The following F13A1 variants were observed in gnomAD, a reference collection of about 807,000 sequenced individuals.
F13A1 encodes coagulation factor XIII A chain.
F13A1 carries 47 observed loss-of-function variants against 80.1 expected under a neutral mutation model. The observed-to-expected ratio is 0.59, with a 90% CI of 0.46 to 0.75. The LOEUF is 0.75. Among genes scored for constraint, F13A1 ranks in the 30% least tolerant of loss-of-function variants. F13A1 has a pLI of 0.00. For missense variants in F13A1, 817 were observed against 930.4 expected (o/e 0.88, Z 1.59); for synonymous variants, 349 against 344.9 (o/e 1.01, Z -0.13).
chr6:6,163,501 C>T (rs1156576525), intron 13 of F13A1, among the ~76,000 whole-genome samples: 1 of 152,144 alleles, frequency 6.6e-6, no homozygotes, highest in African/African-American at 2.4e-5. Flanking sequence ...CACCCTGCAC[C>T]CTCCAATAGG....
intron 5 of F13A1, among the ~76,000 whole-genome samples, chr6:6,249,638 T>C (rs141155637): frequency 5.0e-4 from 76 of 152,312 alleles, no homozygotes; most frequent in Middle Eastern, 3.4e-3. Context: ...CCCACCTTGA[T>C]GACTTTTCCC....
intron 8 of F13A1, among the ~76,000 whole-genome samples, chr6:6,213,685 C>T (rs1289525479): frequency 6.6e-6 from 1 of 151,120 alleles, no homozygotes; most frequent in Admixed American, 6.6e-5. Context: ...ACAATATTAA[C>T]TTTAAAGGTA....
At position 6,199,654 on chromosome 6, in the gene F13A1, T is replaced by C. The variant is rs557387239; in HGVS notation, c.1113-2328A>G. Among the ~76,000 whole-genome samples, 14 of 152,320 alleles carry C rather than the reference T, an allele frequency of 9.2e-5. No individual in the cohort carries two copies. The South Asian group carries it at 2.9e-3, about 32-fold the overall frequency. On this transcript the variant is annotated intron_variant, in intron 8 of 14. Coordinates refer to ENST00000264870, the MANE Select transcript of F13A1 (RefSeq NM_000129.4). ...CACTGACCTATGATATAGGTAAGGA[T>C]AAGATTGTGAAATCCTTTGATATCA... is the stretch of plus-strand genomic sequence containing the variant.
intron 4 of F13A1, among the ~76,000 whole-genome samples, chr6:6,262,552 C>T (rs1186269213): frequency 6.6e-6 from 1 of 152,162 alleles, no homozygotes; most frequent in Admixed American, 6.5e-5. Flanking sequence ...CTAGTTTGCC[C>T]TGTGTTCTGG....
chr6:6,161,551 T>TGAGA (rs111622535), intron 13 of F13A1, among the ~76,000 whole-genome samples: 31 of 146,378 alleles, frequency 2.1e-4, no homozygotes, highest in East Asian at 6.2e-4. Context: ...TGTGTGTGTG[T>TGAGA]GAGAGAGAGA....
intron 13 of F13A1, among the ~76,000 whole-genome samples, chr6:6,156,877 T>A (rs1036956968): frequency 6.6e-6 from 1 of 152,198 alleles, no homozygotes; most frequent in African/African-American, 2.4e-5. Context: ...GGCTACTGCA[T>A]TGGATGGAGC....
chr6:6,158,845 T>G lies in F13A1; in HGVS notation c.1909-6896A>C, dbSNP rs142620696. Among the ~76,000 whole-genome samples the G allele has an allele frequency of 3.3e-5, 5 of 152,252 alleles. No individual in the cohort carries two copies. In the East Asian group the frequency reaches 9.6e-4, roughly 29 times the overall value. On this transcript the variant is annotated intron_variant, in intron 13 of 14. Coordinates refer to ENST00000264870, the MANE Select transcript of F13A1 (RefSeq NM_000129.4). The stretch of plus-strand genomic sequence containing the variant: ...TAAGTCTCACAGTGTAGCCAGTCAC[T>G]GTCATGTACTTTGTTTGGGGCACTC...
At chr6:6,149,514 T>C (rs1485208789) in intron 14 of F13A1, among the ~76,000 whole-genome samples, 1 of 152,188 alleles carries the variant, frequency 6.6e-6, no homozygotes, top group Non-Finnish European at 1.5e-5. Flanking sequence ...GTGGGGCTCA[T>C]GATGGGATTA....
intron 14 of F13A1, among the ~76,000 whole-genome samples, chr6:6,149,941 C>A (rs760983752): frequency 7.9e-5 from 12 of 152,226 alleles, no homozygotes; most frequent in Non-Finnish European, 1.6e-4. Flanking sequence ...TAACAATAAA[C>A]AAACCATCTG....
chr6:6,145,695 G>C lies in F13A1; in HGVS notation c.2123C>G (p.Ala708Gly). Residue 708 changes from alanine (A) to glycine (G), a missense_variant, in exon 15 of 15, where the codon GCC becomes GGC. Coordinates refer to ENST00000264870, the MANE Select transcript of F13A1 (RefSeq NM_000129.4). ...TCTCAGGGAGTCACTGCTCATGCTG[G>C]CTATCAGCTTCCGATGCCCAGAGAC... ...PWVSGHRKLI[A>G]SMSSDSLRHV... is the part of the protein sequence containing the mutation. 1 of 1,614,114 alleles carries C rather than the reference G, an allele frequency of 6.2e-7. No homozygotes were observed. The highest frequency in any genetic ancestry group is 1.1e-5 in the South Asian group (1 of 91,082).
intron 3 of F13A1, among the ~76,000 whole-genome samples, chr6:6,298,595 TG>T (rs1470636093): frequency 5.3e-5 from 8 of 149,546 alleles, no homozygotes; most frequent in Non-Finnish European, 1.0e-4. Flanking sequence ...GTTTTCCATT[TG>T]CTTGGTAGAT....
intron 13 of F13A1, among the ~76,000 whole-genome samples, chr6:6,155,959 C>T (rs1462593709): frequency 2.0e-5 from 3 of 152,046 alleles, no homozygotes; most frequent in African/African-American, 7.3e-5. Flanking sequence ...CTCATAAAAC[C>T]TTAAATAAAG....
chr6:6,262,247 C>T (rs1757786315), intron 4 of F13A1, among the ~76,000 whole-genome samples: 1 of 151,496 alleles, frequency 6.6e-6, no homozygotes. Flanking sequence ...AGCGTGGTGA[C>T]CCTCCAGGTG....
At chr6:6,316,758 A>G (rs1207580447) in intron 2 of F13A1, among the ~76,000 whole-genome samples, 1 of 152,284 alleles carries the variant, frequency 6.6e-6, no homozygotes, top group South Asian at 2.1e-4. Context: ...TGTGGGTCAG[A>G]CTTGATCACA....
At chr6:6,281,083 C>T (rs1044843579) in intron 3 of F13A1, among the ~76,000 whole-genome samples, 5 of 152,174 alleles carry the variant, frequency 3.3e-5, no homozygotes, top group African/African-American at 9.7e-5. Flanking sequence ...TTTGGCAACT[C>T]GTTCTAAGGG....
At chr6:6,295,344 AGT>A (rs1292885279) in intron 3 of F13A1, among the ~76,000 whole-genome samples, 1 of 147,272 alleles carries the variant, frequency 6.8e-6, no homozygotes, top group Non-Finnish European at 1.5e-5. Flanking sequence ...TGGTTGAACT[AGT>A]TTACAGTCCC....
intron 8 of F13A1, among the ~76,000 whole-genome samples, chr6:6,221,497 T>G (rs933778743): frequency 1.3e-5 from 2 of 152,236 alleles, no homozygotes; most frequent in Non-Finnish European, 2.9e-5. Flanking sequence ...CATTTGGGTT[T>G]ATTCCCAGCT....
chr6:6,286,454 C>A (rs1475277880), intron 3 of F13A1, among the ~76,000 whole-genome samples: 1 of 152,166 alleles, frequency 6.6e-6, no homozygotes, highest in African/African-American at 2.4e-5. Flanking sequence ...CCCACTTGGC[C>A]CTTTTCCAAG....
intron 13 of F13A1, among the ~76,000 whole-genome samples, chr6:6,155,110 A>C (rs916198440): frequency 1.6e-4 from 25 of 152,218 alleles, no homozygotes; most frequent in Non-Finnish European, 1.5e-5. Context: ...AAGTCCATAC[A>C]TGGTTTTCTA....
Sources: allele counts gnomAD v4.1 joint callset (sites outside exome capture counted in the v4.1 genomes callset), GRCh38; gene constraint gnomAD v4.1.1; transcripts MANE v1.5; gene names NCBI Gene and HGNC (gene_info 2026-07-23, HGNC 2026-07-21).